GYS2: variants seen among roughly 807,000 people sequenced by gnomAD.
GYS2 encodes the protein glycogen synthase 2, also known as glycogen [starch] synthase, liver.
Under a neutral mutation model 85.6 loss-of-function variants are expected in GYS2, and 80 were observed. The ratio of observed to expected loss-of-function variants is 0.93; its 90% CI spans 0.78 to 1.13. The LOEUF (loss-of-function observed/expected upper bound fraction) is 1.13, where lower values mean the gene tolerates loss of function less well. Ranked by LOEUF, GYS2 falls within the 50% of genes most tolerant of loss-of-function variation. The pLI is 0.00. For synonymous variants in GYS2, 328 were observed against 300.7 expected, an observed-to-expected ratio of 1.09 and a Z score of -0.94; for missense variants, 881 against 854.9, an observed-to-expected ratio of 1.03 and a Z score of -0.38.
intron 1 of GYS2, among the ~76,000 whole-genome samples, chr12:21,598,085 G>C (rs1257341508): frequency 2.0e-5 from 3 of 152,052 alleles, no homozygotes; most frequent in Admixed American, 6.6e-5. Flanking sequence ...AGAGAAGTTG[G>C]TTAATGGAAA....
chr12:21,539,471 T>A, intron 14 of GYS2, 133 bp from the exon 15 acceptor site: 1 of 705,522 alleles, frequency 1.4e-6, no homozygotes, highest in East Asian at 2.5e-5. Flanking sequence ...CTATGCAGTC[T>A]AAGTTTGAGA....
chr12:21,589,614 A>C (rs1453069630), intron 1 of GYS2, among the ~76,000 whole-genome samples: 2 of 152,218 alleles, frequency 1.3e-5, no homozygotes, highest in Non-Finnish European at 2.9e-5. Flanking sequence ...AAGCCTACCC[A>C]GTAGGGATCC....
chr12:21,580,973 G>A (rs1944503387), intron 1 of GYS2, among the ~76,000 whole-genome samples: 1 of 152,156 alleles, frequency 6.6e-6, no homozygotes, highest in South Asian at 2.1e-4. Flanking sequence ...GCTCAGGTAT[G>A]TTCAAATAAC....
chr12:21,565,672 A>T, intron 5 of GYS2, among the ~76,000 whole-genome samples: 1 of 151,340 alleles, frequency 6.6e-6, no homozygotes, highest in Non-Finnish European at 1.5e-5. Context: ...TATATAAGTT[A>T]TATGCTCATA....
At chr12:21,565,812 G>GTC (rs1199259958) in intron 5 of GYS2, among the ~76,000 whole-genome samples, 3 of 78,094 alleles carry the variant, frequency 3.8e-5, no homozygotes, top group Non-Finnish European at 9.7e-5. Context: ...CCAAGTAGAA[G>GTC]ACAATGTTAC....
At chr12:21,557,689 G>A (rs929697657) in intron 11 of GYS2, among the ~76,000 whole-genome samples, 1 of 152,114 alleles carries the variant, frequency 6.6e-6, no homozygotes, top group Non-Finnish European at 1.5e-5. Flanking sequence ...CACGAGGTCA[G>A]GAGATCGAGA....
intron 5 of GYS2, among the ~76,000 whole-genome samples, chr12:21,567,811 A>C (rs527797618): frequency 6.6e-6 from 1 of 152,260 alleles, no homozygotes; most frequent in South Asian, 2.1e-4. Flanking sequence ...GCGGTAGCTC[A>C]CACATGTAAT....
intron 4 of GYS2, among the ~76,000 whole-genome samples, chr12:21,573,590 C>T (rs1437827223): frequency 1.3e-5 from 2 of 152,174 alleles, no homozygotes; most frequent in Non-Finnish European, 2.9e-5. Flanking sequence ...ACCCATATCC[C>T]TGTTTGCAAT....
chr12:21,569,375 C>T (rs1420947522), intron 4 of GYS2, among the ~76,000 whole-genome samples: 2 of 152,112 alleles, frequency 1.3e-5, no homozygotes, highest in Non-Finnish European at 2.9e-5. Context: ...TATATATTTT[C>T]CCATAAACAA....
Position 21,559,101 on chromosome 12 carries a change from A to G in GYS2, c.1298T>C (p.Phe433Ser). The G allele has an allele frequency of 6.3e-7, 1 of 1,597,666 alleles. No homozygotes were observed. The highest frequency in any genetic ancestry group is 1.1e-5 in the South Asian group (1 of 90,510). Reference sequence around the variant, plus strand: ...TTTTTTCCTTATTACCTGAGTTGAAAAGATGGCTCTTTTCATAATTGTTAG... The same window carrying G: ...TTTTTTCCTTATTACCTGAGTTGAAGAGATGGCTCTTTTCATAATTGTTAG... ...DDLTIMKRAI[F>S]STQRQSLPPV... Residue 433 changes from phenylalanine (F) to serine (S), a missense_variant, in exon 10 of 16, where the codon TTT (phenylalanine) becomes TCT (serine). By Grantham distance (155) the Phe-to-Ser change is radical (BLOSUM62 -2). Transcript: ENST00000261195.
chr12:21,587,230 T>C lies in GYS2; in HGVS notation c.122-6707A>G, dbSNP rs1029051654. On this transcript the variant is annotated intron_variant, in intron 1 of 15. Transcript: ENST00000261195. ...ATGGTGAGGACTGAAAAACTACGGA[T>C]TGGATACAACATTCACTTTTCAGGT... Among the ~76,000 whole-genome samples the C allele has an allele frequency of 3.9e-5, 6 of 152,230 alleles. No individual in the cohort carries two copies. The South Asian group carries it at 1.0e-3, about 26-fold the overall frequency.
chr12:21,543,726 T>C (rs1221709931), intron 12 of GYS2, among the ~76,000 whole-genome samples: 1 of 152,160 alleles, frequency 6.6e-6, no homozygotes, highest in African/African-American at 2.4e-5. Flanking sequence ...GTATTTGTCC[T>C]AATGCTCTCC....
chr12:21,568,980 C>T lies in GYS2; in HGVS notation c.708G>A (p.Arg236=). 3.1e-6 allele frequency: 5 copies of T among 1,614,036 alleles called. No individual in the cohort carries two copies. Among genetic ancestry groups the T allele is most frequent in the Non-Finnish European group, 4.2e-6 (5 of 1,179,938 alleles). Residue 236 remains arginine, a synonymous_variant, in exon 5 of 16, where the codon AGG becomes AGA. Coordinates refer to ENST00000261195, the MANE Select transcript of GYS2 (RefSeq NM_021957.4). Reference sequence around the variant, plus strand: ...CCATGCAGTACCGGTGGTAAATCTGCCTTTCCCCAGCCTCTTTGTCAATGT... The same window carrying T: ...CCATGCAGTACCGGTGGTAAATCTGTCTTTCCCCAGCCTCTTTGTCAATGT... ...KFNIDKEAGE[R]QIYHRYCMER...
intron 13 of GYS2, 148 bp downstream of exon 13, chr12:21,542,348 C>T: frequency 1.5e-6 from 1 of 663,392 alleles, no homozygotes; most frequent in Non-Finnish European, 2.8e-6. Flanking sequence ...CTGTGCCCAG[C>T]CTAAATTGAC....
chr12:21,569,007 A>C lies in GYS2; in HGVS notation c.681T>G (p.Phe227Leu). 1 of 1,614,072 alleles carries C rather than the reference A, an allele frequency of 6.2e-7. No homozygotes were observed. Among genetic ancestry groups the C allele is most frequent in the Non-Finnish European group, 8.5e-7 (1 of 1,179,922 alleles). Residue 227 changes from phenylalanine (F) to leucine (L), a missense_variant and splice_region_variant, in exon 5 of 16, where the codon TTT (phenylalanine) becomes TTG (leucine). Physicochemically the swap from Phe to Leu is conservative, Grantham distance 22. Transcript: ENST00000261195. ...TTTCCCCAGCCTCTTTGTCAATGTT[A>C]AACTGTTAGAAACAAAAATAAAACA... ...NIDFYNHLDK[F>L]NIDKEAGERQ...
At chr12:21,578,641 T>G (rs1035330123) in intron 2 of GYS2, among the ~76,000 whole-genome samples, 1 of 152,192 alleles carries the variant, frequency 6.6e-6, no homozygotes, top group Non-Finnish European at 1.5e-5. Context: ...AGTGAGATCA[T>G]CAAAAACATT....
At chr12:21,550,246 G>A (rs534844071) in intron 11 of GYS2, among the ~76,000 whole-genome samples, 10 of 151,964 alleles carry the variant, frequency 6.6e-5, no homozygotes, top group Non-Finnish European at 8.8e-5. Flanking sequence ...CAATCAAGAC[G>A]TGGCTACTAG....
chr12:21,559,984 G>T (rs537621783), intron 8 of GYS2, among the ~76,000 whole-genome samples: 5 of 152,140 alleles, frequency 3.3e-5, no homozygotes, highest in Admixed American at 6.5e-5. Flanking sequence ...GAGCAGAGAG[G>T]GGGAGTAGAT....
At chr12:21,543,029 G>A (rs1449964757) in intron 12 of GYS2, among the ~76,000 whole-genome samples, 3 of 152,220 alleles carry the variant, frequency 2.0e-5, no homozygotes, top group Non-Finnish European at 2.9e-5. Flanking sequence ...TTTTGGATGC[G>A]ACCAGCTTCT....
Sources: allele counts gnomAD v4.1 joint callset (sites outside exome capture counted in the v4.1 genomes callset), GRCh38; gene constraint gnomAD v4.1.1; transcripts MANE v1.5; gene names NCBI Gene and HGNC (gene_info 2026-07-23, HGNC 2026-07-21).